Variants in RASGRF2 observed in about 807,000 individuals in gnomAD.
RASGRF2 encodes the protein ras-specific guanine nucleotide-releasing factor 2.
Under a neutral mutation model 151.0 loss-of-function variants are expected in RASGRF2, and 76 were observed. That is an observed-to-expected ratio of 0.50 (90% CI 0.42 to 0.61). RASGRF2 has a LOEUF of 0.61. Ranked by LOEUF, RASGRF2 falls within the 20% of genes least tolerant of loss-of-function variation. The probability of loss-of-function intolerance (pLI) is 0.00; values close to 1 mark genes in which losing one functional copy is unlikely to be tolerated. For missense variants in RASGRF2, 1,148 were observed against 1,564.6 expected (o/e 0.73, Z 4.49); for synonymous variants, 504 against 566.5 (o/e 0.89, Z 1.57).
chr5:81,188,289 A>G (rs746724697), intron 18 of RASGRF2, among the ~76,000 whole-genome samples: 5 of 152,194 alleles, frequency 3.3e-5, no homozygotes, highest in African/African-American at 4.8e-5. Context: ...TTATAGGAGA[A>G]AGATGCCTCT....
intron 1 of RASGRF2, among the ~76,000 whole-genome samples, chr5:80,979,907 T>G (rs1748244267): frequency 6.6e-6 from 1 of 152,214 alleles, no homozygotes; most frequent in Admixed American, 6.5e-5. Context: ...TTACCCTGGT[T>G]GATTTTTATC....
intron 23 of RASGRF2, among the ~76,000 whole-genome samples, chr5:81,214,465 G>A (rs1027577927): frequency 2.6e-5 from 4 of 152,170 alleles, no homozygotes; most frequent in Non-Finnish European, 5.9e-5. Context: ...GAGATCAGCC[G>A]GGGAGTTGTT....
At chr5:81,116,233 CCAT>C (rs1753153746) in intron 15 of RASGRF2, among the ~76,000 whole-genome samples, 1 of 151,870 alleles carries the variant, frequency 6.6e-6, no homozygotes, top group Non-Finnish European at 1.5e-5. Context: ...CAGGCACGCA[CCAT>C]CATGCCTTGC....
intron 2 of RASGRF2, among the ~76,000 whole-genome samples, chr5:81,059,689 A>G (rs987472153): frequency 6.6e-6 from 1 of 151,510 alleles, no homozygotes; most frequent in African/African-American, 2.4e-5. Flanking sequence ...TACTAAAAAT[A>G]TAAAAATTAG....
intron 2 of RASGRF2, among the ~76,000 whole-genome samples, chr5:81,065,604 C>G (rs1751578116): frequency 6.6e-6 from 1 of 152,120 alleles, no homozygotes; most frequent in Admixed American, 6.5e-5. Flanking sequence ...TCTAAAGGTA[C>G]TTGTTTAATG....
chr5:81,008,139 C>CTTTTTTTTTTTTTTTTTTTTTTTTTT (rs58105434), intron 1 of RASGRF2, among the ~76,000 whole-genome samples: 5 of 85,388 alleles, frequency 5.9e-5, no homozygotes, highest in Non-Finnish European at 1.1e-4. Context: ...TCTTTCTTTC[C>CTTTTTTTTTTTTTTTTTTTTTTTTTT]TTTTTTTTTT....
chr5:81,169,369 A>G (rs1449928182), intron 17 of RASGRF2, among the ~76,000 whole-genome samples: 1 of 152,192 alleles, frequency 6.6e-6, no homozygotes. Context: ...GGAGGCCAGA[A>G]GTCCAAAACC....
chr5:81,149,554 A>G (rs1311529057), intron 17 of RASGRF2, among the ~76,000 whole-genome samples: 2 of 152,068 alleles, frequency 1.3e-5, no homozygotes, highest in Admixed American at 6.5e-5. Context: ...GGGGCACCAA[A>G]GTCTCAGAAA....
intron 1 of RASGRF2, among the ~76,000 whole-genome samples, chr5:80,968,275 A>G (rs1747788811): frequency 6.6e-6 from 1 of 152,240 alleles, no homozygotes; most frequent in Non-Finnish European, 1.5e-5. Context: ...AGAATATTTC[A>G]GGGAATGCCA....
Position 81,109,076 on chromosome 5 carries a change from T to C in RASGRF2, c.1836T>C (p.Ile612=), listed in dbSNP as rs779888424. 1 of 1,609,226 alleles carries C rather than the reference T, an allele frequency of 6.2e-7. No individual in the cohort carries two copies. Among genetic ancestry groups the C allele is most frequent in the South Asian group, 1.1e-5 (1 of 90,752 alleles). The change falls in exon 13 of 27, where the codon ATT becomes ATC. Residue 612 remains isoleucine, a splice_region_variant and synonymous_variant. Coordinates refer to ENST00000265080, the MANE Select transcript of RASGRF2 (RefSeq NM_006909.3). The part of the protein sequence containing the change: ...ENSKVTVPHM[I]KSDARLHKDD... Reference sequence around the variant, plus strand: ...CCAAAGTCACTGTGCCACATATGATTAAGTAAGTGTGAGAATCCTTTCCTT... The same window carrying C: ...CCAAAGTCACTGTGCCACATATGATCAAGTAAGTGTGAGAATCCTTTCCTT...
intron 2 of RASGRF2, among the ~76,000 whole-genome samples, chr5:81,052,337 T>C (rs137918473): frequency 6.2e-4 from 94 of 152,368 alleles, no homozygotes; most frequent in African/African-American, 2.1e-3. Context: ...ATATTTTGCC[T>C]GCTTTTATAT....
chr5:80,996,358 C>G (rs1441955810), intron 1 of RASGRF2, among the ~76,000 whole-genome samples: 1 of 151,920 alleles, frequency 6.6e-6, no homozygotes, highest in Non-Finnish European at 1.5e-5. Flanking sequence ...ACTTTTGTTT[C>G]CGTTCTGTAT....
intron 1 of RASGRF2, 42 bp downstream of exon 1, chr5:80,961,068 C>A (rs1212817939): frequency 5.7e-6 from 8 of 1,407,886 alleles, no homozygotes; most frequent in Non-Finnish European, 7.4e-6. Context: ...GCCTTGATCG[C>A]CGCACTCCCT....
chr5:81,163,109 CGGAGGCTGCCTCTGT>C (rs1456733093), intron 17 of RASGRF2, among the ~76,000 whole-genome samples: 1 of 152,070 alleles, frequency 6.6e-6, no homozygotes, highest in Non-Finnish European at 1.5e-5. Flanking sequence ...GCTGCCTCTG[CGGAGGCTGCCTCTGT>C]GACTCCACAC....
At chr5:81,021,798 G>C (rs1749835980) in intron 1 of RASGRF2, among the ~76,000 whole-genome samples, 1 of 152,168 alleles carries the variant, frequency 6.6e-6, no homozygotes, top group South Asian at 2.1e-4. Flanking sequence ...ATCATAGGGT[G>C]GCCAATGAGG....
chr5:81,087,303 C>A, intron 9 of RASGRF2: 2 of 703,020 alleles, frequency 2.8e-6, no homozygotes, highest in Non-Finnish European at 5.2e-6. Context: ...AGGCCAAGGC[C>A]CAGGAGAAAC....
At chr5:81,067,235 A>G (rs1332664602) in intron 2 of RASGRF2, among the ~76,000 whole-genome samples, 1 of 152,210 alleles carries the variant, frequency 6.6e-6, no homozygotes, top group Non-Finnish European at 1.5e-5. Flanking sequence ...ATCATGAATT[A>G]TTACTGTCAT....
At chr5:81,050,705 G>A (rs1265885106) in intron 2 of RASGRF2, among the ~76,000 whole-genome samples, 1 of 152,158 alleles carries the variant, frequency 6.6e-6, no homozygotes, top group Non-Finnish European at 1.5e-5. Context: ...CTTCCTCTAC[G>A]AGCAGGAAGG....
chr5:81,072,257 CAT>C (rs1174898708), intron 4 of RASGRF2, among the ~76,000 whole-genome samples: 4 of 152,164 alleles, frequency 2.6e-5, no homozygotes, highest in African/African-American at 9.7e-5. Flanking sequence ...AATTTCCCCA[CAT>C]GATTGTGTTA....
Sources: allele counts gnomAD v4.1 joint callset (sites outside exome capture counted in the v4.1 genomes callset), GRCh38; gene constraint gnomAD v4.1.1; transcripts MANE v1.5; gene names NCBI Gene and HGNC (gene_info 2026-07-23, HGNC 2026-07-21).